The following VPS54 variants were observed in gnomAD, a reference collection of about 807,000 sequenced individuals.
VPS54 encodes vacuolar protein sorting-associated protein 54.
In VPS54, 45 loss-of-function variants were observed where a neutral mutation model predicts 121.5. That is an observed-to-expected ratio of 0.37 (90% CI 0.29 to 0.47). VPS54 has a LOEUF of 0.47. VPS54 is among the 20% of genes least tolerant of loss of function. VPS54 has a pLI of 0.99. For synonymous variants in VPS54, 371 were observed against 385.8 expected (o/e 0.96, Z 0.45); for missense variants, 1,090 against 1,131.4 (o/e 0.96, Z 0.52).
intron 1 of VPS54, among the ~76,000 whole-genome samples, chr2:64,014,888 G>A (rs1445749605): frequency 2.0e-5 from 3 of 152,082 alleles, no homozygotes; most frequent in Admixed American, 6.6e-5. Flanking sequence ...GATCTCAACT[G>A]TCAATTACCT....
chr2:63,905,160 T>G (rs911658813), intron 20 of VPS54, among the ~76,000 whole-genome samples: 1 of 151,748 alleles, frequency 6.6e-6, no homozygotes, highest in Non-Finnish European at 1.5e-5. Context: ...AAACAGCAAA[T>G]TAAATCCAAA....
intron 12 of VPS54, among the ~76,000 whole-genome samples, chr2:63,925,674 G>A (rs1475429724): frequency 1.3e-5 from 2 of 152,190 alleles, no homozygotes; most frequent in Admixed American, 6.5e-5. Flanking sequence ...TAAAATCACT[G>A]CTACATGTAA....
At chr2:63,924,690 C>T (rs1673813356) in intron 12 of VPS54, among the ~76,000 whole-genome samples, 1 of 152,108 alleles carries the variant, frequency 6.6e-6, no homozygotes, top group African/African-American at 2.4e-5. Flanking sequence ...ATCGTAACTA[C>T]AGTAACTATG....
chr2:64,001,646 G>A (rs1677887263), intron 1 of VPS54, among the ~76,000 whole-genome samples: 1 of 152,112 alleles, frequency 6.6e-6, no homozygotes, highest in Admixed American at 6.5e-5. Flanking sequence ...GCCCAGGCGT[G>A]TGTCTAGAAA....
intron 5 of VPS54, among the ~76,000 whole-genome samples, chr2:63,967,953 G>A (rs1450961920): frequency 6.6e-6 from 1 of 151,990 alleles, no homozygotes; most frequent in Admixed American, 6.6e-5. Context: ...AAGAAACAGT[G>A]TAAGTAAAGC....
intron 3 of VPS54, among the ~76,000 whole-genome samples, chr2:63,976,026 G>C (rs564428804): frequency 6.6e-6 from 1 of 152,130 alleles, no homozygotes; most frequent in African/African-American, 2.4e-5. Flanking sequence ...CGACACGCCC[G>C]GTACATTCTT....
intron 3 of VPS54, chr2:63,975,632 GATATC>G: frequency 6.6e-6 from 1 of 152,428 alleles, no homozygotes. Flanking sequence ...TTCTCCCTAT[GATATC>G]ATCGCTGACC....
At chr2:63,911,463 A>G (rs754488370) in intron 20 of VPS54, among the ~76,000 whole-genome samples, 1 of 152,202 alleles carries the variant, frequency 6.6e-6, no homozygotes, top group Non-Finnish European at 1.5e-5. Flanking sequence ...AGCCGCTTTC[A>G]TAATAATATT....
chr2:63,909,220 G>C (rs1394892437), intron 20 of VPS54, among the ~76,000 whole-genome samples: 1 of 151,968 alleles, frequency 6.6e-6, no homozygotes, highest in East Asian at 1.9e-4. Context: ...CAAATATTTT[G>C]CTATTGGAGG....
chr2:63,904,057 C>T (rs1672799810), intron 20 of VPS54, among the ~76,000 whole-genome samples: 1 of 151,894 alleles, frequency 6.6e-6, no homozygotes, highest in African/African-American at 2.4e-5. Flanking sequence ...AAGAGAAACA[C>T]TATAAAAACA....
chr2:63,999,549 T>C (rs546661513), intron 1 of VPS54, among the ~76,000 whole-genome samples: 2 of 152,284 alleles, frequency 1.3e-5, no homozygotes, highest in East Asian at 1.9e-4. Flanking sequence ...AATTTTATTA[T>C]TAAATGTCTC....
intron 7 of VPS54, among the ~76,000 whole-genome samples, chr2:63,958,084 T>C (rs1010686082): frequency 3.9e-5 from 6 of 152,168 alleles, no homozygotes; most frequent in Admixed American, 6.5e-5. Flanking sequence ...ATATACTGAA[T>C]AATTCACAGA....
chr2:64,011,062 G>T (rs1235052983), intron 1 of VPS54, among the ~76,000 whole-genome samples: 1 of 152,112 alleles, frequency 6.6e-6, no homozygotes, highest in African/African-American at 2.4e-5. Context: ...TGACTAGGAG[G>T]ATAAAAATTA....
At chr2:63,958,296 A>G (rs947355532) in intron 7 of VPS54, among the ~76,000 whole-genome samples, 7 of 152,192 alleles carry the variant, frequency 4.6e-5, no homozygotes, top group Non-Finnish European at 1.0e-4. Flanking sequence ...AAATAATTTC[A>G]AAGTCAAAAA....
chr2:64,006,045 C>T (rs1177382621), intron 1 of VPS54, among the ~76,000 whole-genome samples: 1 of 152,162 alleles, frequency 6.6e-6, no homozygotes, highest in Non-Finnish European at 1.5e-5. Context: ...GGAAACTACT[C>T]TAGACTAAAA....
intron 3 of VPS54, among the ~76,000 whole-genome samples, chr2:63,978,769 A>G (rs960507944): frequency 4.6e-5 from 7 of 151,684 alleles, no homozygotes; most frequent in African/African-American, 1.5e-4. Context: ...ACAGGCGCGC[A>G]CCACCACACC....
chr2:63,987,625 C>T (rs936847224), intron 1 of VPS54, among the ~76,000 whole-genome samples: 4 of 152,136 alleles, frequency 2.6e-5, no homozygotes, highest in African/African-American at 9.7e-5. Flanking sequence ...TTAGTATGGA[C>T]ATTTTAACAA....
intron 1 of VPS54, among the ~76,000 whole-genome samples, chr2:63,992,488 T>C (rs976248963): frequency 1.3e-5 from 2 of 152,250 alleles, no homozygotes; most frequent in African/African-American, 4.8e-5. Context: ...GGTTATCCTT[T>C]TTAATGGCGG....
At chr2:63,956,166 T>A (rs1029164134) in intron 7 of VPS54, among the ~76,000 whole-genome samples, 1 of 152,164 alleles carries the variant, frequency 6.6e-6, no homozygotes, top group African/African-American at 2.4e-5. Context: ...TAGTAAGAAG[T>A]CTGATTTCTT....
Sources: allele counts gnomAD v4.1 joint callset (sites outside exome capture counted in the v4.1 genomes callset), GRCh38; gene constraint gnomAD v4.1.1; transcripts MANE v1.5; gene names NCBI Gene and HGNC (gene_info 2026-07-23, HGNC 2026-07-21).